The following ADAM9 variants were observed in gnomAD, a reference collection of about 807,000 sequenced individuals.
ADAM9 encodes ADAM metallopeptidase domain 9, also known as disintegrin and metalloproteinase domain-containing protein 9.
ADAM9 carries 54 observed loss-of-function variants against 108.1 expected under a neutral mutation model. That is an observed-to-expected ratio of 0.50 (90% CI 0.40 to 0.63). The LOEUF is 0.63. ADAM9 is among the 20% of genes least tolerant of loss of function. The pLI is 0.00. For missense variants in ADAM9, 830 were observed against 997.7 expected (o/e 0.83, Z 2.26); for synonymous variants, 316 against 336.0 (o/e 0.94, Z 0.65).
intron 14 of ADAM9, among the ~76,000 whole-genome samples, chr8:39,068,675 C>CAAAAAAAAAAAAAAAAA (rs562274321): frequency 4.8e-5 from 2 of 42,044 alleles, no homozygotes; most frequent in African/African-American, 7.3e-5. Context: ...AACTTCTCCT[C>CAAAAAAAAAAAAAAAAA]AAAAAAAAAA....
At chr8:39,037,405 ATATT>A (rs1195669935) in intron 11 of ADAM9, among the ~76,000 whole-genome samples, 1 of 146,994 alleles carries the variant, frequency 6.8e-6, no homozygotes, top group Admixed American at 6.8e-5. Flanking sequence ...TTATAAATAT[ATATT>A]TATGTAGTAT....
chr8:39,064,249 G>T (rs1389958925), intron 14 of ADAM9, among the ~76,000 whole-genome samples: 2 of 152,146 alleles, frequency 1.3e-5, no homozygotes, highest in African/African-American at 4.8e-5. Context: ...TTTGGAAATA[G>T]AGTCATAAGT....
intron 18 of ADAM9, among the ~76,000 whole-genome samples, chr8:39,087,323 G>A (rs757725107): frequency 5.3e-5 from 8 of 151,970 alleles, no homozygotes; most frequent in Admixed American, 2.6e-4. Context: ...CATATATTAT[G>A]TCTGGTTTTC....
At chr8:39,075,312 A>G (rs1430667964) in intron 15 of ADAM9, among the ~76,000 whole-genome samples, 4 of 152,200 alleles carry the variant, frequency 2.6e-5, no homozygotes, top group Admixed American at 6.5e-5. Flanking sequence ...AGTCTTATTA[A>G]TATTAGTGAT....
intron 14 of ADAM9, among the ~76,000 whole-genome samples, chr8:39,062,990 C>G (rs1048361195): frequency 6.6e-6 from 1 of 152,208 alleles, no homozygotes; most frequent in East Asian, 1.9e-4. Context: ...TTCAGCCAAC[C>G]AACCGAACAA....
chr8:39,013,389 T>TC (rs398095747), intron 3 of ADAM9, among the ~76,000 whole-genome samples: 13 of 151,980 alleles, frequency 8.6e-5, no homozygotes, highest in African/African-American at 3.1e-4. Flanking sequence ...TTAAATTTTT[T>TC]GGAACTAGCA....
At chr8:39,029,541 A>G (rs1360374105) in intron 11 of ADAM9, among the ~76,000 whole-genome samples, 1 of 152,066 alleles carries the variant, frequency 6.6e-6, no homozygotes, top group African/African-American at 2.4e-5. Context: ...TATGGCCTTT[A>G]TTATATTGAA....
intron 20 of ADAM9, among the ~76,000 whole-genome samples, chr8:39,092,373 C>T (rs1839385547): frequency 1.3e-5 from 2 of 151,898 alleles, no homozygotes; most frequent in South Asian, 4.2e-4. Context: ...CTATTCCACC[C>T]CCTTTATCTT....
At chr8:39,061,323 T>C (rs1838291362) in intron 14 of ADAM9, among the ~76,000 whole-genome samples, 1 of 152,178 alleles carries the variant, frequency 6.6e-6, no homozygotes, top group Non-Finnish European at 1.5e-5. Context: ...TTATGCATTC[T>C]GGAATTGTGG....
intron 12 of ADAM9, among the ~76,000 whole-genome samples, chr8:39,046,358 T>G (rs544640341): frequency 6.6e-6 from 1 of 152,164 alleles, no homozygotes; most frequent in South Asian, 2.1e-4. Context: ...TTATAACAAG[T>G]TTTTTGATGG....
chr8:39,033,998 C>T (rs368154383), intron 11 of ADAM9, among the ~76,000 whole-genome samples: 23 of 152,116 alleles, frequency 1.5e-4, no homozygotes, highest in Non-Finnish European at 2.8e-4. Flanking sequence ...AAAAATGGGA[C>T]GACAACAACA....
chr8:39,029,968 A>G (rs1287186795), intron 11 of ADAM9, among the ~76,000 whole-genome samples: 3 of 152,124 alleles, frequency 2.0e-5, no homozygotes, highest in African/African-American at 7.2e-5. Context: ...TTTTAGGTTC[A>G]CAGAATAATC....
At chr8:39,042,182 T>G in intron 12 of ADAM9, 65 bp downstream of exon 12, 1 of 1,581,242 alleles carries the variant, frequency 6.3e-7, no homozygotes, top group East Asian at 2.2e-5. Context: ...ATAAAATGGC[T>G]TGCTTTGGGC....
chr8:39,026,802 A>G lies in ADAM9; in HGVS notation c.1122A>G (p.Ser374=). 2 of 1,591,750 alleles carry G rather than the reference A, an allele frequency of 1.3e-6. No individual in the cohort carries two copies. The highest frequency in any genetic ancestry group is 1.7e-6 in the Non-Finnish European group (2 of 1,173,912). The change falls in exon 11 of 22, where the codon TCA becomes TCG. Residue 374 remains serine, a synonymous_variant. Coordinates refer to ENST00000487273, the MANE Select transcript of ADAM9 (RefSeq NM_003816.3). ...GAGCAAAGAGCTGCATCATGAATTCAGGAGCATCGTGAGTACCTGGGTTCT... is the reference window on the plus strand; with the variant it reads ...GAGCAAAGAGCTGCATCATGAATTCGGGAGCATCGTGAGTACCTGGGTTCT... ...SCGAKSCIMN[S]GASGSRNFSS... is the part of the protein sequence containing the mutation.
At chr8:39,065,392 C>T (rs1169340416) in intron 14 of ADAM9, among the ~76,000 whole-genome samples, 6 of 151,884 alleles carry the variant, frequency 4.0e-5, no homozygotes, top group South Asian at 2.1e-4. Flanking sequence ...CGGTGGCTCA[C>T]GCCTGTAATC....
chr8:39,031,688 G>T lies in ADAM9; in HGVS notation c.1130+4878G>T, dbSNP rs566950853. On this transcript the variant is annotated intron_variant, in intron 11 of 21. Transcript: ENST00000487273. ...GTCATTCTCTGTCCAGCTTTGTTCC[G>T]TTGCTGGCGAGGAGCTGTGATCCTT... Among the ~76,000 whole-genome samples, 9 of 152,270 alleles carry T rather than the reference G, an allele frequency of 5.9e-5. No individual in the cohort carries two copies. In the South Asian group the frequency reaches 1.5e-3, roughly 25 times the overall value.
At chr8:39,049,489 T>A (rs904226027) in intron 12 of ADAM9, among the ~76,000 whole-genome samples, 2 of 150,788 alleles carry the variant, frequency 1.3e-5, no homozygotes, top group African/African-American at 2.4e-5. Context: ...TTGTCCAGGC[T>A]GGAGTGCAGT....
intron 20 of ADAM9, among the ~76,000 whole-genome samples, chr8:39,099,721 A>G (rs1010849408): frequency 6.6e-6 from 1 of 152,214 alleles, no homozygotes; most frequent in African/African-American, 2.4e-5. Flanking sequence ...TTTATGGGGT[A>G]CAGCATGATG....
chr8:39,075,899 A>C lies in ADAM9; in HGVS notation c.1698-1329A>C, dbSNP rs944188684. ...CTCAGAAAATGTAAGCACTTCTCTC[A>C]GGTCAGCTAGCAAATAAATGGTGAC... is the stretch of plus-strand genomic sequence containing the variant. On this transcript the variant is annotated intron_variant, in intron 15 of 21. Transcript: ENST00000487273. 3 of 152,220 alleles carry C rather than the reference A, an allele frequency of 2.0e-5. No individual in the cohort carries two copies. The East Asian group carries it at 5.8e-4, about 29-fold the overall frequency. The allele number at this position is 152,220 out of a possible 1,614,324, so 9.4% of individuals were successfully genotyped here.
Sources: gnomAD v4.1 joint callset for allele counts (sites outside exome capture counted in the v4.1 genomes callset) on GRCh38, gnomAD v4.1.1 for gene constraint, MANE v1.5 for transcripts, NCBI Gene and HGNC (gene_info 2026-07-23, HGNC 2026-07-21) for gene names.